Variants in TINAG observed in about 807,000 individuals in gnomAD.
TINAG encodes the protein tubulointerstitial nephritis antigen.
TINAG carries 83 observed loss-of-function variants against 72.7 expected under a neutral mutation model. That is an observed-to-expected ratio of 1.14 (90% CI 0.96 to 1.37). TINAG has a LOEUF of 1.37. TINAG is among the 40% of genes most tolerant of loss of function. The pLI, the probability that TINAG is intolerant of heterozygous loss-of-function variation, is 0.00. For missense variants in TINAG, 685 were observed against 576.6 expected (o/e 1.19, Z -1.93); for synonymous variants, 234 against 189.9 (o/e 1.23, Z -1.91).
chr6:54,327,184 C>G, intron 4 of TINAG: 1 of 1,542,910 alleles, frequency 6.5e-7, no homozygotes. Context: ...AAGAACAGCT[C>G]TGGTTGGCAG....
rs146728253 is a variant in TINAG, at chr6:54,363,123, G to C, written c.1250+8487G>C. 9.9e-5 allele frequency among the ~76,000 whole-genome samples: 15 copies of C among 151,682 alleles called. No homozygotes were observed. In the East Asian group the frequency reaches 2.1e-3, roughly 22 times the overall value. ...TTGTGTGAAGTCCCTATGCTTAGAA[G>C]ACTACACAACACTGTGTGGACACAA... On this transcript the variant is annotated intron_variant, in intron 9 of 10. Coordinates refer to ENST00000259782, the MANE Select transcript of TINAG (RefSeq NM_014464.4).
chr6:54,327,354 G>A, intron 4 of TINAG: 1 of 502,236 alleles, frequency 2.0e-6, no homozygotes, highest in Non-Finnish European at 3.2e-6. Flanking sequence ...AAGGAGGCTG[G>A]GAACTCCCTC....
intron 5 of TINAG, among the ~76,000 whole-genome samples, chr6:54,345,098 T>C (rs1214489248): frequency 1.3e-5 from 2 of 152,088 alleles, no homozygotes; most frequent in Non-Finnish European, 2.9e-5. Flanking sequence ...GTAATATGTT[T>C]CACATACATT....
At chr6:54,365,751 T>C (rs1763389324) in intron 9 of TINAG, among the ~76,000 whole-genome samples, 1 of 151,562 alleles carries the variant, frequency 6.6e-6, no homozygotes, top group African/African-American at 2.4e-5. Flanking sequence ...AAAAACCCAT[T>C]AGAGATTCAA....
chr6:54,312,854 ACATGTATTTTC>A (rs1310795674), intron 1 of TINAG, among the ~76,000 whole-genome samples: 1 of 152,134 alleles, frequency 6.6e-6, no homozygotes, highest in Non-Finnish European at 1.5e-5. Flanking sequence ...CCTTTTGGTA[ACATGTATTTTC>A]CATTTTCCCA....
intron 3 of TINAG, 132 bp from the exon 4 acceptor site, chr6:54,326,670 C>T (rs1784609603): frequency 1.7e-6 from 1 of 595,638 alleles, no homozygotes; most frequent in African/African-American, 2.0e-5. Flanking sequence ...GAATATCTAG[C>T]CTGTGACAAT....
chr6:54,357,028 C>G (rs1323713642), intron 9 of TINAG, among the ~76,000 whole-genome samples: 2 of 151,824 alleles, frequency 1.3e-5, no homozygotes, highest in Admixed American at 1.3e-4. Flanking sequence ...ACTTTCAGTT[C>G]TCTTTCCAAT....
chr6:54,328,813 A>G (rs973366363), intron 4 of TINAG, among the ~76,000 whole-genome samples: 1 of 151,880 alleles, frequency 6.6e-6, no homozygotes, highest in Non-Finnish European at 1.5e-5. Context: ...CAACACAAGA[A>G]CTTCATGAAG....
At chr6:54,350,505 TCC>T (rs1785240292) in intron 7 of TINAG, among the ~76,000 whole-genome samples, 1 of 151,542 alleles carries the variant, frequency 6.6e-6, no homozygotes, top group Non-Finnish European at 1.5e-5. Flanking sequence ...TACACTCATG[TCC>T]TGCCAGCATC....
intron 9 of TINAG, among the ~76,000 whole-genome samples, chr6:54,377,418 A>G (rs1459928213): frequency 1.3e-5 from 2 of 152,120 alleles, no homozygotes; most frequent in Non-Finnish European, 2.9e-5. Flanking sequence ...AAGCTGAGGC[A>G]GGAGAATCGC....
At chr6:54,323,712 G>T (rs1315269899) in intron 3 of TINAG, among the ~76,000 whole-genome samples, 1 of 152,160 alleles carries the variant, frequency 6.6e-6, no homozygotes, top group African/African-American at 2.4e-5. Flanking sequence ...CCAGCACTTT[G>T]GGAGGCCAAG....
intron 9 of TINAG, among the ~76,000 whole-genome samples, chr6:54,356,427 C>T (rs765873804): frequency 5.9e-5 from 9 of 151,830 alleles, no homozygotes; most frequent in Non-Finnish European, 1.3e-4. Context: ...ATCCCAGCTA[C>T]TCAGGAGGCT....
chr6:54,381,372 A>G (rs978311180), intron 10 of TINAG, among the ~76,000 whole-genome samples: 1 of 151,688 alleles, frequency 6.6e-6, no homozygotes, highest in Non-Finnish European at 1.5e-5. Context: ...TTTTATACAG[A>G]TAGAATAAAG....
chr6:54,311,147 A>T (rs994407537), intron 1 of TINAG, among the ~76,000 whole-genome samples: 1 of 152,114 alleles, frequency 6.6e-6, no homozygotes. Context: ...AGACCATATT[A>T]TGCTACAGAC....
intron 4 of TINAG, among the ~76,000 whole-genome samples, chr6:54,328,584 C>A (rs1466616876): frequency 3.9e-5 from 6 of 151,966 alleles, no homozygotes; most frequent in Non-Finnish European, 7.4e-5. Context: ...ATCACAACTC[C>A]TTGCAAGCAA....
chr6:54,353,078 T>A (rs1017109493), intron 8 of TINAG, among the ~76,000 whole-genome samples: 5 of 151,842 alleles, frequency 3.3e-5, no homozygotes, highest in Admixed American at 6.6e-5. Flanking sequence ...TGATTGTAAC[T>A]TATATAGTTA....
At chr6:54,386,692 A>G (rs1175478216) in intron 10 of TINAG, among the ~76,000 whole-genome samples, 6 of 152,096 alleles carry the variant, frequency 3.9e-5, no homozygotes, top group African/African-American at 1.4e-4. Context: ...TGGTTTGCCA[A>G]TACATAGGTC....
At chr6:54,335,532 G>A (rs563959076) in intron 4 of TINAG, among the ~76,000 whole-genome samples, 5 of 152,256 alleles carry the variant, frequency 3.3e-5, no homozygotes, top group African/African-American at 1.2e-4. Context: ...GTGTTAGAGA[G>A]GTTTTAATAT....
chr6:54,311,452 T>A (rs994811104), intron 1 of TINAG, among the ~76,000 whole-genome samples: 1 of 152,186 alleles, frequency 6.6e-6, no homozygotes, highest in African/African-American at 2.4e-5. Flanking sequence ...TTAATCTAAG[T>A]CTTGCCAGAT....
Sources: allele counts gnomAD v4.1 joint callset (sites outside exome capture counted in the v4.1 genomes callset), GRCh38; gene constraint gnomAD v4.1.1; transcripts MANE v1.5; gene names NCBI Gene and HGNC (gene_info 2026-07-23, HGNC 2026-07-21).